The following ZFAND3 variants were observed in gnomAD, a reference collection of about 807,000 sequenced individuals.
The protein encoded by ZFAND3 is AN1-type zinc finger protein 3.
A neutral mutation model predicts 29.6 loss-of-function variants in ZFAND3; 10 were observed. The ratio of observed to expected loss-of-function variants is 0.34; its 90% CI spans 0.21 to 0.57. The LOEUF (loss-of-function observed/expected upper bound fraction) is 0.57, where lower values mean the gene tolerates loss of function less well. Among genes scored for constraint, ZFAND3 ranks in the 20% least tolerant of loss-of-function variants. The pLI, the probability that ZFAND3 is intolerant of heterozygous loss-of-function variation, is 0.86. For missense variants in ZFAND3, 230 were observed against 304.5 expected (o/e 0.76, Z 1.82); for synonymous variants, 128 against 112.6 (o/e 1.14, Z -0.87).
intron 2 of ZFAND3, among the ~76,000 whole-genome samples, chr6:37,947,951 A>G (rs1028467157): frequency 7.3e-5 from 11 of 151,694 alleles, no homozygotes; most frequent in Non-Finnish European, 1.6e-4. Context: ...TGTTACTTCT[A>G]TTTTTATTCC....
chr6:37,835,706 C>T (rs1172564431), intron 1 of ZFAND3, among the ~76,000 whole-genome samples: 1 of 152,036 alleles, frequency 6.6e-6, no homozygotes, highest in Admixed American at 6.6e-5. Context: ...TGGTTATGTT[C>T]TTTTGAGTAT....
chr6:37,895,459 C>CT lies in ZFAND3; in HGVS notation c.72-34477dup, dbSNP rs11331881. ...AAGTGATTCTCCTGCCTCAGAGGTT[C>CT]TTTTTTTTTTTTTTTTTTTTTTTAT... On this transcript the variant is annotated intron_variant, in intron 1 of 5. Coordinates refer to ENST00000287218, the MANE Select transcript of ZFAND3 (RefSeq NM_021943.3). Among the ~76,000 whole-genome samples the CT allele has an allele frequency of 7.7e-3, 593 of 76,752 alleles. 9 individuals are homozygous for CT. The highest frequency in any genetic ancestry group is 0.017 in the African/African-American group (331 of 19,348). The allele number at this position is 76,752 out of a possible 152,430, so 50.4% of individuals were successfully genotyped here.
intron 2 of ZFAND3, among the ~76,000 whole-genome samples, chr6:38,009,287 G>A (rs985790444): frequency 4.6e-5 from 7 of 152,262 alleles, no homozygotes; most frequent in Non-Finnish European, 1.0e-4. Context: ...AAAATACTAG[G>A]TTTCGGTAGC....
At chr6:38,006,677 T>TTTTTTA (rs1554166608) in intron 2 of ZFAND3, among the ~76,000 whole-genome samples, 1 of 141,150 alleles carries the variant, frequency 7.1e-6, no homozygotes, top group African/African-American at 2.7e-5. Context: ...TTTTTTTTTT[T>TTTTTTA]AATTGATGGT....
At chr6:38,096,601 C>A (rs1465336704) in intron 4 of ZFAND3, among the ~76,000 whole-genome samples, 1 of 152,170 alleles carries the variant, frequency 6.6e-6, no homozygotes, top group Non-Finnish European at 1.5e-5. Flanking sequence ...CCTTCTTCAG[C>A]GCTGGAACTC....
intron 3 of ZFAND3, among the ~76,000 whole-genome samples, chr6:38,066,249 T>C (rs1398656402): frequency 2.6e-5 from 4 of 152,140 alleles, no homozygotes; most frequent in South Asian, 2.1e-4. Context: ...TAAAAATCAA[T>C]GGGAGATAAA....
chr6:38,058,589 T>C (rs1374980645), intron 2 of ZFAND3, among the ~76,000 whole-genome samples: 1 of 152,198 alleles, frequency 6.6e-6, no homozygotes, highest in African/African-American at 2.4e-5. Flanking sequence ...ACTGGCTACA[T>C]TCATTGCACT....
Position 38,153,053 on chromosome 6 carries a change from T to C in ZFAND3, c.*664T>C. On this transcript the variant is annotated 3_prime_UTR_variant, in exon 6 of 6. Coordinates refer to ENST00000287218, the MANE Select transcript of ZFAND3 (RefSeq NM_021943.3). ...GAAACAGTAACCTCACTTTGAAAAT[T>C]AGCTCCACTCAAGACTAGTCCACGA... 1.0e-6 allele frequency: 1 copy of C among 985,658 alleles called. No homozygotes were observed. 61.1% of individuals were successfully genotyped at this position (985,658 alleles called of 1,614,324 possible). A position where few individuals can be genotyped will look rare whatever the true frequency, so the allele number is the denominator to read the frequency against.
intron 2 of ZFAND3, among the ~76,000 whole-genome samples, chr6:37,971,356 C>T (rs1757347366): frequency 6.6e-6 from 1 of 152,098 alleles, no homozygotes; most frequent in African/African-American, 2.4e-5. Context: ...GCCAGTGTCT[C>T]ACTAGTTGAG....
chr6:37,965,394 G>A (rs755537921), intron 2 of ZFAND3, among the ~76,000 whole-genome samples: 30 of 152,014 alleles, frequency 2.0e-4, no homozygotes, highest in South Asian at 8.3e-4. Context: ...ATATATATGC[G>A]CACACATGTA....
chr6:37,939,346 T>G (rs963519167), intron 2 of ZFAND3, among the ~76,000 whole-genome samples: 15 of 152,202 alleles, frequency 9.9e-5, no homozygotes, highest in African/African-American at 3.4e-4. Context: ...TAGTCTCTGC[T>G]TCATCCACAT....
chr6:37,885,386 G>A (rs2127393831), intron 1 of ZFAND3, among the ~76,000 whole-genome samples: 1 of 152,308 alleles, frequency 6.6e-6, no homozygotes, highest in African/African-American at 2.4e-5. Flanking sequence ...GCTCACGTCT[G>A]TAATCCCAGC....
intron 2 of ZFAND3, among the ~76,000 whole-genome samples, chr6:37,986,925 A>G (rs1488481128): frequency 6.6e-6 from 1 of 152,226 alleles, no homozygotes; most frequent in Non-Finnish European, 1.5e-5. Context: ...TAAATGTTCC[A>G]GGCACAGGGA....
At chr6:37,966,602 T>TA (rs769342093) in intron 2 of ZFAND3, among the ~76,000 whole-genome samples, 2,048 of 147,748 alleles carry the variant, frequency 0.014, 72 homozygotes, top group Admixed American at 0.082. Context: ...GGATTTACCT[T>TA]AAAAAAAAAA....
chr6:38,021,440 A>G (rs1016806348), intron 2 of ZFAND3, among the ~76,000 whole-genome samples: 1 of 152,164 alleles, frequency 6.6e-6, no homozygotes, highest in African/African-American at 2.4e-5. Context: ...CCCTTGATAA[A>G]ACCAAGGAAG....
chr6:37,883,825 C>T (rs2127393129), intron 1 of ZFAND3, among the ~76,000 whole-genome samples: 1 of 145,682 alleles, frequency 6.9e-6, no homozygotes, highest in East Asian at 1.9e-4. Context: ...CAGGCGTGAG[C>T]CGCCGTGCCC....
At chr6:37,919,762 T>A (rs1761337688) in intron 1 of ZFAND3, among the ~76,000 whole-genome samples, 2 of 152,218 alleles carry the variant, frequency 1.3e-5, no homozygotes, top group Admixed American at 1.3e-4. Context: ...CAGAAATAAG[T>A]ATTAAATCTG....
intron 2 of ZFAND3, among the ~76,000 whole-genome samples, chr6:38,014,310 A>ATTT (rs1763214641): frequency 8.7e-6 from 1 of 114,620 alleles, no homozygotes; most frequent in East Asian, 2.8e-4. Flanking sequence ...TTGTAATTTT[A>ATTT]CTTTATTATT....
At chr6:37,948,976 T>C (rs953314670) in intron 2 of ZFAND3, among the ~76,000 whole-genome samples, 6 of 152,164 alleles carry the variant, frequency 3.9e-5, no homozygotes, top group Admixed American at 3.9e-4. Context: ...TTATATTCCT[T>C]TAGGTATACA....
Sources: gnomAD v4.1 joint callset for allele counts (sites outside exome capture counted in the v4.1 genomes callset) on GRCh38, gnomAD v4.1.1 for gene constraint, MANE v1.5 for transcripts, NCBI Gene and HGNC (gene_info 2026-07-23, HGNC 2026-07-21) for gene names.